The following GALNTL6 variants were observed in gnomAD, a reference collection of about 807,000 sequenced individuals.
GALNTL6 encodes the protein polypeptide N-acetylgalactosaminyltransferase like 6, also known as polypeptide N-acetylgalactosaminyltransferase-like 6.
GALNTL6 carries 46 observed loss-of-function variants against 73.7 expected under a neutral mutation model. The ratio of observed to expected loss-of-function variants is 0.62; its 90% confidence interval spans 0.49 to 0.80. GALNTL6 has a LOEUF of 0.80. GALNTL6 is among the 30% of genes least tolerant of loss of function. The pLI, the probability that GALNTL6 is intolerant of heterozygous loss-of-function variation, is 0.00. For synonymous variants in GALNTL6, 259 were observed against 263.7 expected, an observed-to-expected ratio of 0.98 and a Z score of 0.17; for missense variants, 604 against 755.0, an observed-to-expected ratio of 0.80 and a Z score of 2.34.
intron 2 of GALNTL6, among the ~76,000 whole-genome samples, chr4:171,979,817 T>A (rs12510280): frequency 0.57 from 70,916 of 125,088 alleles, 18,582 homozygotes; most frequent in Non-Finnish European, 0.69. Context: ...ATATTTCTAA[T>A]GCCAATATTA....
chr4:172,147,287 G>C (rs1048094583), intron 2 of GALNTL6, among the ~76,000 whole-genome samples: 1 of 152,130 alleles, frequency 6.6e-6, no homozygotes, highest in African/African-American at 2.4e-5. Context: ...CAAAATTCCA[G>C]CATAAAGGAA....
chr4:171,949,822 A>G (rs560937568), intron 2 of GALNTL6, among the ~76,000 whole-genome samples: 1 of 152,302 alleles, frequency 6.6e-6, no homozygotes, highest in South Asian at 2.1e-4. Context: ...AGAAGTGTGG[A>G]GGGATAAAAT....
At chr4:172,443,847 G>A (rs183518391) in intron 5 of GALNTL6, among the ~76,000 whole-genome samples, 1 of 152,174 alleles carries the variant, frequency 6.6e-6, no homozygotes, top group African/African-American at 2.4e-5. Context: ...CCAAGGAAAG[G>A]TGTGGCCCGG....
At chr4:172,669,715 A>G (rs955662900) in intron 5 of GALNTL6, among the ~76,000 whole-genome samples, 3 of 151,692 alleles carry the variant, frequency 2.0e-5, no homozygotes, top group Non-Finnish European at 2.9e-5. Flanking sequence ...GGTTTATTAT[A>G]TAGGTAAACT....
chr4:171,823,414 T>C (rs1397441517), intron 2 of GALNTL6, among the ~76,000 whole-genome samples: 1 of 151,992 alleles, frequency 6.6e-6, no homozygotes, highest in Admixed American at 6.6e-5. Flanking sequence ...ATGGTTATTA[T>C]CCAAAAGGCA....
chr4:171,912,306 G>A (rs1040106856), intron 2 of GALNTL6, among the ~76,000 whole-genome samples: 1 of 152,096 alleles, frequency 6.6e-6, no homozygotes, highest in Non-Finnish European at 1.5e-5. Context: ...CAGTAGGAGT[G>A]TGACATTTTG....
At chr4:172,678,367 CAG>C (rs1732428515) in intron 5 of GALNTL6, among the ~76,000 whole-genome samples, 1 of 140,952 alleles carries the variant, frequency 7.1e-6, no homozygotes, top group African/African-American at 2.7e-5. Context: ...TTTTTTGAGA[CAG>C]AGTTTCACTC....
intron 11 of GALNTL6, among the ~76,000 whole-genome samples, chr4:173,018,527 A>G (rs2126510627): frequency 6.6e-6 from 1 of 152,294 alleles, no homozygotes; most frequent in Non-Finnish European, 1.5e-5. Context: ...CTGTCTAGGG[A>G]GGGATAGAGA....
intron 5 of GALNTL6, among the ~76,000 whole-genome samples, chr4:172,396,034 T>C (rs1332769801): frequency 6.6e-6 from 1 of 152,054 alleles, no homozygotes; most frequent in Non-Finnish European, 1.5e-5. Context: ...CATTCTATTA[T>C]AAAAGTCATG....
At chr4:172,275,529 A>G (rs1384936456) in intron 3 of GALNTL6, among the ~76,000 whole-genome samples, 2 of 152,222 alleles carry the variant, frequency 1.3e-5, no homozygotes, top group Admixed American at 6.5e-5. Context: ...ATGGAATCCA[A>G]TCAATTAATA....
At chr4:172,071,462 C>T (rs1731532258) in intron 2 of GALNTL6, among the ~76,000 whole-genome samples, 1 of 110,594 alleles carries the variant, frequency 9.0e-6, no homozygotes, top group Non-Finnish European at 2.0e-5. Flanking sequence ...TCTCATGTTC[C>T]TTGTACCCTA....
intron 2 of GALNTL6, among the ~76,000 whole-genome samples, chr4:172,181,447 T>C (rs1735239729): frequency 6.6e-6 from 1 of 152,046 alleles, no homozygotes; most frequent in Admixed American, 6.6e-5. Context: ...ATAACATATC[T>C]CAAAATAGTA....
At chr4:172,744,464 G>A (rs1681382626) in intron 5 of GALNTL6, among the ~76,000 whole-genome samples, 1 of 152,138 alleles carries the variant, frequency 6.6e-6, no homozygotes. Context: ...ACATGTCTGT[G>A]TACTGATGTA....
chr4:172,125,552 T>C (rs1287384834), intron 2 of GALNTL6, among the ~76,000 whole-genome samples: 2 of 152,170 alleles, frequency 1.3e-5, no homozygotes, highest in Non-Finnish European at 2.9e-5. Flanking sequence ...CTTACAATTA[T>C]AGCCAACCTG....
chr4:172,289,280 T>G (rs1044503604), intron 3 of GALNTL6, among the ~76,000 whole-genome samples: 4 of 152,350 alleles, frequency 2.6e-5, no homozygotes, highest in Admixed American at 2.6e-4. Context: ...TCTCTCATTA[T>G]GCAGTTGTAT....
intron 7 of GALNTL6, among the ~76,000 whole-genome samples, chr4:172,853,623 A>G (rs573569950): frequency 6.6e-6 from 1 of 152,166 alleles, no homozygotes; most frequent in Non-Finnish European, 1.5e-5. Flanking sequence ...CCAACAACCC[A>G]TTCACTCATT....
At chr4:172,137,697 T>C (rs990927938) in intron 2 of GALNTL6, among the ~76,000 whole-genome samples, 3 of 152,110 alleles carry the variant, frequency 2.0e-5, no homozygotes, top group African/African-American at 4.8e-5. Context: ...CACAATGGAT[T>C]CAATGTGTTC....
At chr4:172,241,739 T>G (rs1737440925) in intron 3 of GALNTL6, among the ~76,000 whole-genome samples, 1 of 152,222 alleles carries the variant, frequency 6.6e-6, no homozygotes, top group Non-Finnish European at 1.5e-5. Context: ...TTCTCCTTCT[T>G]ATGAGTAGCC....
At chr4:172,799,680 T>C (rs61409815) in intron 5 of GALNTL6, among the ~76,000 whole-genome samples, 2,034 of 152,282 alleles carry the variant, frequency 0.013, 46 homozygotes, top group African/African-American at 0.045. Flanking sequence ...TGTAAAATGG[T>C]GCAGTCACTA....
Sources: allele counts gnomAD v4.1 joint callset (sites outside exome capture counted in the v4.1 genomes callset), GRCh38; gene constraint gnomAD v4.1.1; transcripts MANE v1.5; gene names NCBI Gene and HGNC (gene_info 2026-07-23, HGNC 2026-07-21).